CDH13: variants seen among roughly 807,000 people sequenced by gnomAD.
CDH13 encodes the protein cadherin-13.
A neutral mutation model predicts 63.8 loss-of-function variants in CDH13; 24 were observed. The ratio of observed to expected loss-of-function variants is 0.38; its 90% CI spans 0.27 to 0.53. The LOEUF (loss-of-function observed/expected upper bound fraction) is 0.53, where lower values mean the gene tolerates loss of function less well. Among genes scored for constraint, CDH13 ranks in the 20% least tolerant of loss-of-function variants. The pLI, the probability that CDH13 is intolerant of heterozygous loss-of-function variation, is 0.85. For synonymous variants in CDH13, 503 were observed against 355.3 expected, an observed-to-expected ratio of 1.42 and a Z score of -4.67; for missense variants, 1,049 against 903.1, an observed-to-expected ratio of 1.16 and a Z score of -2.07.
intron 7 of CDH13, among the ~76,000 whole-genome samples, chr16:83,546,154 A>G (rs1202046473): frequency 6.6e-6 from 1 of 152,166 alleles, no homozygotes; most frequent in Non-Finnish European, 1.5e-5. Flanking sequence ...GTTTGGGCTA[A>G]AACCTGCATA....
intron 2 of CDH13, chr16:82,990,421 T>C (rs538604378): frequency 6.6e-6 from 1 of 152,312 alleles, no homozygotes; most frequent in Non-Finnish European, 1.5e-5. Flanking sequence ...CATCTTGTGA[T>C]GGGCTGGGAC....
At chr16:83,588,276 C>A (rs1295388674) in intron 7 of CDH13, among the ~76,000 whole-genome samples, 1 of 152,236 alleles carries the variant, frequency 6.6e-6, no homozygotes, top group African/African-American at 2.4e-5. Context: ...TTCAGCCTGT[C>A]TAACATTGCC....
intron 11 of CDH13, among the ~76,000 whole-genome samples, chr16:83,768,359 C>T (rs536726718): frequency 6.6e-6 from 1 of 151,916 alleles, no homozygotes; most frequent in Non-Finnish European, 1.5e-5. Context: ...TTTAAATAGA[C>T]AAAAAAACAC....
intron 6 of CDH13, among the ~76,000 whole-genome samples, chr16:83,399,802 C>T (rs912932652): frequency 1.2e-4 from 19 of 152,030 alleles, no homozygotes; most frequent in African/African-American, 4.3e-4. Context: ...CACCATTTTA[C>T]CCCCCGCCGC....
intron 5 of CDH13, among the ~76,000 whole-genome samples, chr16:83,229,469 T>C (rs2039940701): frequency 6.6e-6 from 1 of 152,082 alleles, no homozygotes; most frequent in African/African-American, 2.4e-5. Context: ...GTAAATATTC[T>C]CTCTTAAAAT....
At chr16:83,411,615 A>G (rs1055278514) in intron 6 of CDH13, among the ~76,000 whole-genome samples, 10 of 152,236 alleles carry the variant, frequency 6.6e-5, no homozygotes, top group African/African-American at 1.7e-4. Flanking sequence ...TTTAATTGTG[A>G]TGGCTCAAAT....
At chr16:83,509,480 C>G (rs547584238) in intron 7 of CDH13, among the ~76,000 whole-genome samples, 3 of 152,152 alleles carry the variant, frequency 2.0e-5, no homozygotes, top group Non-Finnish European at 4.4e-5. Context: ...ATAGATACCA[C>G]ATAAATGAAT....
chr16:83,747,372 C>T (rs150867092), intron 10 of CDH13, among the ~76,000 whole-genome samples: 1 of 152,100 alleles, frequency 6.6e-6, no homozygotes, highest in African/African-American at 2.4e-5. Flanking sequence ...AAAGGGAAAC[C>T]CATTTTGCTT....
At chr16:82,945,592 C>T (rs757545893) in intron 2 of CDH13, among the ~76,000 whole-genome samples, 2 of 151,812 alleles carry the variant, frequency 1.3e-5, no homozygotes, top group Non-Finnish European at 2.9e-5. Flanking sequence ...TTTTTTTCTT[C>T]GCGGTTGTTT....
intron 2 of CDH13, among the ~76,000 whole-genome samples, chr16:82,941,937 A>T (rs1904292670): frequency 6.6e-6 from 1 of 152,146 alleles, no homozygotes; most frequent in South Asian, 2.1e-4. Flanking sequence ...TTCTTCATAT[A>T]TCCTGAATAT....
Position 83,132,289 on chromosome 16 carries a change from C to G in CDH13, c.483+6788C>G, listed in dbSNP as rs533471531. ...TTGCCTGATTGATTTTATGATCAGG[C>G]ACTTACTGGGTTGTCTAGGGTAACC... On this transcript the variant is annotated intron_variant, in intron 4 of 13. Coordinates refer to ENST00000567109, the MANE Select transcript of CDH13 (RefSeq NM_001257.5). Among the ~76,000 whole-genome samples, 54 of 152,152 alleles carry G rather than the reference C, an allele frequency of 3.5e-4. No homozygotes were observed. In the East Asian group the frequency reaches 7.9e-3, roughly 22 times the overall value.
chr16:82,902,171 G>T (rs1846234456), intron 2 of CDH13, among the ~76,000 whole-genome samples: 1 of 152,134 alleles, frequency 6.6e-6, no homozygotes, highest in Admixed American at 6.5e-5. Context: ...TTTGTTAAAA[G>T]CTTAAGAGAC....
chr16:83,023,082 G>T (rs1287419131), intron 2 of CDH13: 1 of 152,160 alleles, frequency 6.6e-6, no homozygotes, highest in Non-Finnish European at 1.5e-5. Context: ...AAATGGAAAA[G>T]CATAAAATCA....
At chr16:83,596,653 AG>A (rs1907287053) in intron 7 of CDH13, among the ~76,000 whole-genome samples, 1 of 152,142 alleles carries the variant, frequency 6.6e-6, no homozygotes, top group African/African-American at 2.4e-5. Context: ...CTAGGAAATT[AG>A]GGGGTGACTT....
At chr16:83,129,278 A>G (rs1209349862) in intron 4 of CDH13, among the ~76,000 whole-genome samples, 2 of 152,220 alleles carry the variant, frequency 1.3e-5, no homozygotes, top group African/African-American at 4.8e-5. Context: ...TATAAATATT[A>G]CGTATTAGAC....
At chr16:82,994,056 C>T (rs532458006) in intron 2 of CDH13, among the ~76,000 whole-genome samples, 6 of 152,290 alleles carry the variant, frequency 3.9e-5, no homozygotes, top group Admixed American at 2.0e-4. Context: ...GTGCTGGTCT[C>T]AGGGGAAGTA....
chr16:83,339,269 C>G (rs981614890), intron 5 of CDH13, among the ~76,000 whole-genome samples: 1 of 152,104 alleles, frequency 6.6e-6, no homozygotes, highest in Non-Finnish European at 1.5e-5. Context: ...GAGCCATCCT[C>G]TAGACAATAT....
At chr16:83,109,280 G>A (rs932924831) in intron 3 of CDH13, among the ~76,000 whole-genome samples, 11 of 152,154 alleles carry the variant, frequency 7.2e-5, no homozygotes, top group South Asian at 2.1e-4. Flanking sequence ...CTTGGCAACC[G>A]CTCGTGAGTG....
At chr16:83,543,467 G>T (rs140642867) in intron 7 of CDH13, among the ~76,000 whole-genome samples, 138 of 152,310 alleles carry the variant, frequency 9.1e-4, no homozygotes, top group African/African-American at 3.1e-3. Flanking sequence ...TTTGTTGCTT[G>T]CCTTGCCTTG....
Sources: gnomAD v4.1 joint callset for allele counts (sites outside exome capture counted in the v4.1 genomes callset) on GRCh38, gnomAD v4.1.1 for gene constraint, MANE v1.5 for transcripts, NCBI Gene and HGNC (gene_info 2026-07-23, HGNC 2026-07-21) for gene names.